L3MBTL4: variants seen among roughly 807,000 people sequenced by gnomAD.
L3MBTL4 encodes lethal(3)malignant brain tumor-like protein 4.
Under a neutral mutation model 84.5 loss-of-function variants are expected in L3MBTL4, and 70 were observed. That is an observed-to-expected ratio of 0.83 (90% CI 0.68 to 1.01). The LOEUF is 1.01. L3MBTL4 is among the 50% of genes least tolerant of loss of function. L3MBTL4 has a pLI of 0.00. For synonymous variants in L3MBTL4, 274 were observed against 259.8 expected (o/e 1.05, Z -0.52); for missense variants, 715 against 754.8 (o/e 0.95, Z 0.62).
At chr18:6,150,579 T>G (rs2144822423) in intron 13 of L3MBTL4, among the ~76,000 whole-genome samples, 1 of 152,286 alleles carries the variant, frequency 6.6e-6, no homozygotes, top group South Asian at 2.1e-4. Context: ...AACTGCCAAG[T>G]TTCTAAATGG....
intron 4 of L3MBTL4, among the ~76,000 whole-genome samples, chr18:6,264,799 C>G (rs529691697): frequency 6.6e-6 from 1 of 152,182 alleles, no homozygotes; most frequent in Non-Finnish European, 1.5e-5. Flanking sequence ...AAAAAAAAAT[C>G]GTTCCTAAAA....
intron 1 of L3MBTL4, among the ~76,000 whole-genome samples, chr18:6,367,008 A>C (rs675666): frequency 0.21 from 32,509 of 152,126 alleles, 3,928 homozygotes; most frequent in African/African-American, 0.33. Flanking sequence ...CACAAAACAC[A>C]AGTCCCTAGG....
Position 6,275,275 on chromosome 18 carries a change from A to C in L3MBTL4, c.128-11237T>G, listed in dbSNP as rs143218595. Among the ~76,000 whole-genome samples, 6 of 152,280 alleles carry C rather than the reference A, an allele frequency of 3.9e-5. No homozygotes were observed. The East Asian group carries it at 1.2e-3, about 29-fold the overall frequency. On this transcript the variant is annotated intron_variant, in intron 4 of 18. Transcript: ENST00000317931. ...GATAGTGAGAAGGGGCAGCCAGAGA[A>C]ACGGGAGGAATGCAGGTGGAAATGC...
chr18:5,987,860 G>A (rs1288554141), intron 16 of L3MBTL4, among the ~76,000 whole-genome samples: 1 of 151,450 alleles, frequency 6.6e-6, no homozygotes, highest in African/African-American at 2.4e-5. Flanking sequence ...GTCTTTGCAT[G>A]TAGTTTCATT....
chr18:6,384,586 A>T (rs540666443), intron 1 of L3MBTL4, among the ~76,000 whole-genome samples: 2 of 152,348 alleles, frequency 1.3e-5, no homozygotes, highest in East Asian at 3.9e-4. Flanking sequence ...TGCCGCAATG[A>T]TTTTAAAATA....
intron 4 of L3MBTL4, among the ~76,000 whole-genome samples, chr18:6,299,708 C>T (rs1331457669): frequency 6.6e-6 from 1 of 152,128 alleles, no homozygotes; most frequent in East Asian, 1.9e-4. Context: ...CTCACTTTGT[C>T]CCCCAGGCTG....
At chr18:6,021,139 T>A (rs1329548133) in intron 16 of L3MBTL4, among the ~76,000 whole-genome samples, 2 of 152,134 alleles carry the variant, frequency 1.3e-5, no homozygotes, top group African/African-American at 4.8e-5. Context: ...GTCAAGTAAG[T>A]GAAGCCCTGG....
intron 13 of L3MBTL4, among the ~76,000 whole-genome samples, chr18:6,159,041 C>T (rs2043212224): frequency 6.6e-6 from 1 of 152,070 alleles, no homozygotes; most frequent in Admixed American, 6.5e-5. Flanking sequence ...TGCTGATGAT[C>T]AGGAATGATG....
chr18:5,979,755 G>A (rs1460513266), intron 16 of L3MBTL4, among the ~76,000 whole-genome samples: 2 of 152,204 alleles, frequency 1.3e-5, no homozygotes, highest in Non-Finnish European at 2.9e-5. Flanking sequence ...CTGAAAAGAA[G>A]GGTTGTCTCT....
At chr18:6,094,266 AG>A (rs1331369184) in intron 14 of L3MBTL4, among the ~76,000 whole-genome samples, 2 of 152,196 alleles carry the variant, frequency 1.3e-5, no homozygotes, top group African/African-American at 2.4e-5. Flanking sequence ...GTCTCCAAAG[AG>A]GCCCCAAAAC....
intron 12 of L3MBTL4, among the ~76,000 whole-genome samples, chr18:6,181,780 T>C (rs2044483746): frequency 6.6e-6 from 1 of 152,220 alleles, no homozygotes; most frequent in African/African-American, 2.4e-5. Context: ...TCGGTTTCTA[T>C]ATTAGTTCAC....
intron 1 of L3MBTL4, among the ~76,000 whole-genome samples, chr18:6,333,343 G>A (rs182110371): frequency 2.0e-4 from 30 of 152,272 alleles, no homozygotes; most frequent in East Asian, 3.9e-4. Context: ...GGGAGGCTGA[G>A]GCGGGCAGAT....
intron 4 of L3MBTL4, among the ~76,000 whole-genome samples, chr18:6,291,883 G>A (rs57079763): frequency 0.19 from 28,768 of 152,038 alleles, 2,862 homozygotes; most frequent in African/African-American, 0.24. Context: ...TCTGTACAGC[G>A]AAAGGAACCA....
At chr18:6,041,635 C>A (rs1379312191) in intron 16 of L3MBTL4, among the ~76,000 whole-genome samples, 1 of 152,090 alleles carries the variant, frequency 6.6e-6, no homozygotes, top group African/African-American at 2.4e-5. Flanking sequence ...TTCCTGCTTA[C>A]CAAGCACAGA....
chr18:6,151,685 G>A (rs188471270), intron 13 of L3MBTL4, among the ~76,000 whole-genome samples: 59 of 152,186 alleles, frequency 3.9e-4, no homozygotes, highest in Non-Finnish European at 6.9e-4. Context: ...GTGAGCCACC[G>A]TGCCCAGACT....
At chr18:6,408,154 A>T (rs1247608497) in intron 1 of L3MBTL4, among the ~76,000 whole-genome samples, 1 of 152,248 alleles carries the variant, frequency 6.6e-6, no homozygotes, top group East Asian at 1.9e-4. Flanking sequence ...TATAAAGTTT[A>T]CATTGTTCTC....
At chr18:6,355,887 A>G (rs1171019507) in intron 1 of L3MBTL4, among the ~76,000 whole-genome samples, 3 of 151,666 alleles carry the variant, frequency 2.0e-5, no homozygotes, top group Non-Finnish European at 4.4e-5. Flanking sequence ...AGCTAGTACC[A>G]TGTGCACGAT....
chr18:6,119,602 A>G (rs907944053), intron 14 of L3MBTL4, among the ~76,000 whole-genome samples: 1 of 152,146 alleles, frequency 6.6e-6, no homozygotes, highest in Non-Finnish European at 1.5e-5. Context: ...TCCTCCTAAG[A>G]TTTTTATGAT....
chr18:6,072,997 A>C (rs1191101234), intron 16 of L3MBTL4, among the ~76,000 whole-genome samples: 1 of 147,500 alleles, frequency 6.8e-6, no homozygotes, highest in East Asian at 2.0e-4. Flanking sequence ...ACGGTAAATT[A>C]AAGCCAAAGA....
Sources: allele counts gnomAD v4.1 joint callset (sites outside exome capture counted in the v4.1 genomes callset), GRCh38; gene constraint gnomAD v4.1.1; transcripts MANE v1.5; gene names NCBI Gene and HGNC (gene_info 2026-07-23, HGNC 2026-07-21).